The following ASB15 variants were observed in gnomAD, a reference collection of about 807,000 sequenced individuals.
ASB15 encodes the protein ankyrin repeat and SOCS box containing 15.
A neutral mutation model predicts 58.0 loss-of-function variants in ASB15; 54 were observed. The ratio of observed to expected loss-of-function variants is 0.93; its 90% CI spans 0.75 to 1.17. The LOEUF is 1.17. Ranked by LOEUF, ASB15 falls within the 50% of genes most tolerant of loss-of-function variation. The pLI is 0.00. For synonymous variants in ASB15, 249 were observed against 262.4 expected, an observed-to-expected ratio of 0.95 and a Z score of 0.50; for missense variants, 680 against 707.4, an observed-to-expected ratio of 0.96 and a Z score of 0.44.
intron 9 of ASB15, among the ~76,000 whole-genome samples, chr7:123,627,979 G>A (rs1256246867): frequency 6.6e-6 from 1 of 152,160 alleles, no homozygotes; most frequent in Non-Finnish European, 1.5e-5. Flanking sequence ...GATGCTAAGT[G>A]ACATGTTGTT....
chr7:123,637,085 T>A lies in ASB15; in HGVS notation c.*104T>A. The A allele has an allele frequency of 1.3e-6, 1 of 794,490 alleles. No homozygotes were observed. 49.2% of individuals were successfully genotyped at this position (794,490 alleles called of 1,614,324 possible). A position where few individuals can be genotyped will look rare whatever the true frequency, so the allele number is the denominator to read the frequency against. The stretch of plus-strand genomic sequence containing the variant: ...CCTTAATTGTAAAGTGTATTTAAAT[T>A]CATTGACAGTTTTATAGGTTATCAT... On this transcript the variant is annotated 3_prime_UTR_variant, in exon 12 of 12. Coordinates refer to ENST00000451215, the MANE Select transcript of ASB15 (RefSeq NM_001290258.2).
intron 1 of ASB15, among the ~76,000 whole-genome samples, chr7:123,569,934 T>C (rs559396070): frequency 3.9e-5 from 6 of 152,212 alleles, no homozygotes; most frequent in Non-Finnish European, 8.8e-5. Context: ...CAAATAATGA[T>C]TGTTATTATT....
Position 123,624,682 on chromosome 7 carries a change from C to G in ASB15, c.565C>G (p.Arg189Gly), listed in dbSNP as rs745544688. The G allele has an allele frequency of 6.2e-7, 1 of 1,614,110 alleles. No individual in the cohort carries two copies. The highest frequency in any genetic ancestry group is 8.5e-7 in the Non-Finnish European group (1 of 1,180,020). Residue 189 changes from arginine (R) to glycine (G), a missense_variant, in exon 8 of 12, where the codon CGA (arginine) becomes GGA (glycine). Coordinates refer to ENST00000451215, the MANE Select transcript of ASB15 (RefSeq NM_001290258.2). The stretch of plus-strand genomic sequence containing the variant: ...AATGCATGAAGCAGCCAAGCAAGGC[C>G]GAAAAGATATCGTAGCTCTGCTGCT... ...SAMHEAAKQG[R>G]KDIVALLLKH...
chr7:123,583,770 A>G (rs1799301183), intron 1 of ASB15, among the ~76,000 whole-genome samples: 1 of 151,924 alleles, frequency 6.6e-6, no homozygotes. Context: ...TCTTCATAAT[A>G]TACTGAGAAG....
upstream of ASB15, chr7:123,598,844 A>G (rs1799784409): frequency 6.6e-6 from 1 of 152,210 alleles, no homozygotes; most frequent in East Asian, 1.9e-4. Flanking sequence ...AGTAATGTCA[A>G]CAACGTGGAT....
intron 1 of ASB15, among the ~76,000 whole-genome samples, chr7:123,572,406 T>G (rs1448454969): frequency 6.6e-6 from 1 of 152,036 alleles, no homozygotes; most frequent in African/African-American, 2.4e-5. Context: ...CCGAAAGTAC[T>G]GGGATTACAG....
At chr7:123,582,275 G>C (rs1256616386) in intron 1 of ASB15, among the ~76,000 whole-genome samples, 1 of 151,832 alleles carries the variant, frequency 6.6e-6, no homozygotes, top group Non-Finnish European at 1.5e-5. Flanking sequence ...TGGGAGATGG[G>C]GAGGGGGGGT....
intron 7 of ASB15, among the ~76,000 whole-genome samples, chr7:123,623,397 GA>G (rs1175611946): frequency 2.6e-5 from 4 of 152,128 alleles, no homozygotes; most frequent in African/African-American, 9.7e-5. Context: ...TCCAAAAGGG[GA>G]AAACCTTGTA....
intron 1 of ASB15, among the ~76,000 whole-genome samples, chr7:123,594,521 C>T (rs1799638395): frequency 1.3e-5 from 2 of 152,208 alleles, no homozygotes; most frequent in South Asian, 4.1e-4. Flanking sequence ...GTTAGTTTTC[C>T]TTCTAACAGA....
intron 3 of ASB15, among the ~76,000 whole-genome samples, chr7:123,613,982 G>T (rs1432334099): frequency 2.0e-5 from 3 of 152,050 alleles, no homozygotes; most frequent in Admixed American, 6.5e-5. Context: ...GGAGGCGGAG[G>T]TTGCAGTAAG....
intron 1 of ASB15, among the ~76,000 whole-genome samples, chr7:123,571,822 T>C (rs1468220076): frequency 6.6e-6 from 1 of 152,202 alleles, no homozygotes; most frequent in Non-Finnish European, 1.5e-5. Flanking sequence ...TGGAGTGCAG[T>C]GGCATGATCA....
chr7:123,593,944 A>G (rs951167291), intron 1 of ASB15, among the ~76,000 whole-genome samples: 1 of 152,106 alleles, frequency 6.6e-6, no homozygotes, highest in African/African-American at 2.4e-5. Context: ...GTCTTTTCAC[A>G]TAGTCCCATA....
In ASB15 at chr7:123,624,503, A is replaced by G. The variant is rs537865484; in HGVS notation, c.452-66A>G. ...TATTTCAATATTAAATTTAGTAATT[A>G]GTTTAATACCACCTAAGGTATTTGT... On this transcript the variant is annotated intron_variant, in intron 7 of 11. Transcript: ENST00000451215. The G allele has an allele frequency of 3.5e-6, 5 of 1,427,196 alleles. No homozygotes were observed. In the South Asian group the frequency reaches 6.4e-5, roughly 18 times the overall value. The allele number at this position is 1,427,196 out of a possible 1,614,324, so 88.4% of individuals were successfully genotyped here.
intron 7 of ASB15, among the ~76,000 whole-genome samples, chr7:123,621,894 C>A (rs1801353466): frequency 6.6e-6 from 1 of 152,202 alleles, no homozygotes; most frequent in Admixed American, 6.5e-5. Context: ...TGATCCTGGC[C>A]AGTGGAGCCC....
intron 1 of ASB15, among the ~76,000 whole-genome samples, chr7:123,581,055 G>A (rs2116317459): frequency 6.6e-6 from 1 of 152,032 alleles, no homozygotes; most frequent in Middle Eastern, 3.4e-3. Flanking sequence ...GCTTGTTGCA[G>A]TAGAACTGTC....
intron 7 of ASB15, among the ~76,000 whole-genome samples, chr7:123,620,499 TATACATAC>T (rs58566290): frequency 6.5e-4 from 45 of 68,762 alleles, no homozygotes; most frequent in East Asian, 3.7e-3. Flanking sequence ...ATGTGACACA[TATACATAC>T]ATATATATAT....
intron 1 of ASB15, among the ~76,000 whole-genome samples, chr7:123,575,433 G>A (rs1277924074): frequency 6.6e-6 from 1 of 151,978 alleles, no homozygotes; most frequent in Non-Finnish European, 1.5e-5. Flanking sequence ...TCCACATGAG[G>A]CAATCATACA....
chr7:123,612,536 A>G (rs982288359), intron 3 of ASB15: 1 of 152,214 alleles, frequency 6.6e-6, no homozygotes, highest in Non-Finnish European at 1.5e-5. Context: ...GAGAGTTTAT[A>G]TAGGAGGAAT....
upstream of ASB15, among the ~76,000 whole-genome samples, chr7:123,598,259 A>G (rs1200256607): frequency 6.6e-6 from 1 of 152,162 alleles, no homozygotes; most frequent in Non-Finnish European, 1.5e-5. Flanking sequence ...TTTTCAAAGA[A>G]CTTTCATAAT....
Sources: gnomAD v4.1 joint callset for allele counts (sites outside exome capture counted in the v4.1 genomes callset) on GRCh38, gnomAD v4.1.1 for gene constraint, MANE v1.5 for transcripts, NCBI Gene and HGNC (gene_info 2026-07-23, HGNC 2026-07-21) for gene names.